The following ZDHHC13 variants were observed in gnomAD, a reference collection of about 807,000 sequenced individuals.
ZDHHC13 encodes zDHHC palmitoyltransferase 13, also known as palmitoyltransferase ZDHHC13.
A neutral mutation model predicts 86.0 loss-of-function variants in ZDHHC13; 85 were observed. The ratio of observed to expected loss-of-function variants is 0.99; its 90% CI spans 0.83 to 1.18. The LOEUF (loss-of-function observed/expected upper bound fraction) is 1.18, where lower values mean the gene tolerates loss of function less well. ZDHHC13 is among the 50% of genes most tolerant of loss of function. The pLI, the probability that ZDHHC13 is intolerant of heterozygous loss-of-function variation, is 0.00. For missense variants in ZDHHC13, 711 were observed against 730.2 expected, an observed-to-expected ratio of 0.97 and a Z score of 0.30; for synonymous variants, 263 against 246.4, an observed-to-expected ratio of 1.07 and a Z score of -0.63.
intron 1 of ZDHHC13, among the ~76,000 whole-genome samples, chr11:19,126,744 G>T (rs1473843960): frequency 6.6e-6 from 1 of 151,640 alleles, no homozygotes; most frequent in African/African-American, 2.4e-5. Flanking sequence ...CCTGCATAGG[G>T]GTAATAGCCT....
intron 1 of ZDHHC13, among the ~76,000 whole-genome samples, chr11:19,123,155 T>C (rs906492397): frequency 6.6e-5 from 10 of 152,218 alleles, no homozygotes; most frequent in East Asian, 1.9e-4. Context: ...CAGTAATTAA[T>C]TGCCGACTAA....
chr11:19,175,802 C>CTTTTTTT lies in ZDHHC13; in HGVS notation c.1731-15_1731-9dup. The CTTTTTTT allele has an allele frequency of 8.0e-7, 1 of 1,244,348 alleles. No individual in the cohort carries two copies. Among genetic ancestry groups the CTTTTTTT allele is most frequent in the Non-Finnish European group, 1.1e-6 (1 of 895,058 alleles). 77.1% of individuals were successfully genotyped at this position (1,244,348 alleles called of 1,614,324 possible). A position where few individuals can be genotyped will look rare whatever the true frequency, so the allele number is the denominator to read the frequency against. On this transcript the variant is annotated intron_variant, in intron 16 of 16. Transcript: ENST00000446113. ...CAGGAAATATAGTAAGACATGTTCT[C>CTTTTTTT]TTTTTTTTTTTCTTGGCAGTCTTGG...
chr11:19,136,462 G>A (rs1485106944), intron 1 of ZDHHC13, among the ~76,000 whole-genome samples: 1 of 152,212 alleles, frequency 6.6e-6, no homozygotes, highest in East Asian at 1.9e-4. Context: ...GTACCTGAAA[G>A]TGACGGGGAG....
chr11:19,127,135 G>T (rs969471138), intron 1 of ZDHHC13, among the ~76,000 whole-genome samples: 1 of 152,064 alleles, frequency 6.6e-6, no homozygotes, highest in Non-Finnish European at 1.5e-5. Context: ...TTTGACGTTT[G>T]AATAATAGCA....
chr11:19,175,395 A>AAAAAAAAAAAT (rs1232624615), intron 16 of ZDHHC13, among the ~76,000 whole-genome samples: 1 of 105,666 alleles, frequency 9.5e-6, no homozygotes, highest in Non-Finnish European at 2.0e-5. Context: ...GTCTCAAAAA[A>AAAAAAAAAAAT]AAAAAAAAAA....
At chr11:19,131,817 A>G (rs1005726854) in intron 1 of ZDHHC13, among the ~76,000 whole-genome samples, 6 of 152,062 alleles carry the variant, frequency 3.9e-5, no homozygotes, top group African/African-American at 1.4e-4. Flanking sequence ...TATTTTTAGT[A>G]GAGACGGGGT....
intron 1 of ZDHHC13, among the ~76,000 whole-genome samples, chr11:19,141,877 A>G (rs1443852274): frequency 1.3e-5 from 2 of 152,142 alleles, no homozygotes; most frequent in African/African-American, 4.8e-5. Flanking sequence ...AGCTAGTGGG[A>G]CTATCTTGGC....
chr11:19,131,422 C>T (rs534851321), intron 1 of ZDHHC13, among the ~76,000 whole-genome samples: 31 of 152,230 alleles, frequency 2.0e-4, no homozygotes, highest in African/African-American at 7.5e-4. Flanking sequence ...TTTTCGCCAA[C>T]TTTGGAAGAT....
chr11:19,140,006 A>C (rs1474149400), intron 1 of ZDHHC13, among the ~76,000 whole-genome samples: 212 of 149,358 alleles, frequency 1.4e-3, no homozygotes, highest in African/African-American at 3.4e-3. Flanking sequence ...TAGGCATGGG[A>C]AAGGACTTCA....
intron 15 of ZDHHC13, among the ~76,000 whole-genome samples, chr11:19,171,562 C>T (rs1230783734): frequency 2.0e-5 from 3 of 152,184 alleles, no homozygotes; most frequent in Non-Finnish European, 4.4e-5. Flanking sequence ...ATTCCTCTCA[C>T]TCTCCTATCA....
rs2133348353 is a variant in ZDHHC13 at position 19,117,980 on chromosome 11, TGCTTATG to T, written c.27+707_27+713del. On this transcript the variant is annotated intron_variant, in intron 1 of 16. Transcript: ENST00000446113. This position sits in a 1 kb window ranked among gnomAD's most constrained non-coding sequence, Gnocchi z 4.2. Reference sequence around the variant, plus strand: ...AAGAAAACAAGATTTTTGTGCTTTTTGCTTATGGCCCTTTCCTAGTGCCTAGAGTACT... The same window carrying T: ...AAGAAAACAAGATTTTTGTGCTTTTTGCCCTTTCCTAGTGCCTAGAGTACT... The T allele has an allele frequency of 6.6e-6, 1 of 152,388 alleles. No homozygotes were observed. The highest frequency in any genetic ancestry group is 2.1e-4 in the South Asian group (1 of 4,828). 9.4% of individuals were successfully genotyped at this position (152,388 alleles called of 1,614,324 possible).
intron 14 of ZDHHC13, chr11:19,169,842 ATC>A (rs762279438): frequency 2.6e-5 from 26 of 985,500 alleles, no homozygotes; most frequent in Middle Eastern, 5.2e-4. Flanking sequence ...TCCCAGGTGT[ATC>A]TGTCTTGTGA....
At chr11:19,170,813 G>A (rs1391824598) in intron 15 of ZDHHC13, among the ~76,000 whole-genome samples, 1 of 152,096 alleles carries the variant, frequency 6.6e-6, no homozygotes, top group Non-Finnish European at 1.5e-5. Context: ...TAAATTATTA[G>A]AGTATGACCT....
At chr11:19,149,838 C>T (rs1424753655) in intron 5 of ZDHHC13, among the ~76,000 whole-genome samples, 1 of 152,160 alleles carries the variant, frequency 6.6e-6, no homozygotes, top group Non-Finnish European at 1.5e-5. Flanking sequence ...ATTATACTTG[C>T]CTGGAATATG....
At position 19,165,116 on chromosome 11, in the gene ZDHHC13, A is replaced by C. The variant is rs797010374; in HGVS notation, c.1361A>C (p.Gln454Pro). ...VCNCCVARYD[Q>P]HCLWTGRCIG... ...AACTGCTGTGTGGCTCGATATGATCAACACTGCCTGTGGACTGGACGGTGC... is the reference window on the plus strand; with the variant it reads ...AACTGCTGTGTGGCTCGATATGATCCACACTGCCTGTGGACTGGACGGTGC... Residue 454 changes from glutamine to proline, a missense_variant, in exon 13 of 17, where the codon CAA becomes CCA. Gln to Pro is a moderately conservative substitution (Grantham distance 76, BLOSUM62 -1). Coordinates refer to ENST00000446113, the MANE Select transcript of ZDHHC13 (RefSeq NM_019028.3). 6.2e-7 allele frequency: 1 copy of C among 1,612,812 alleles called. No individual in the cohort carries two copies. Among genetic ancestry groups the C allele is most frequent in the Admixed American group, 1.7e-5 (1 of 59,842 alleles).
intron 14 of ZDHHC13, chr11:19,169,894 A>G (rs1850172675): frequency 2.0e-6 from 2 of 985,630 alleles, no homozygotes; most frequent in Admixed American, 6.1e-5. Context: ...AGATTTAGTT[A>G]TGGTGTCAGT....
intron 1 of ZDHHC13, among the ~76,000 whole-genome samples, chr11:19,134,852 A>G (rs1341650489): frequency 6.6e-6 from 1 of 151,844 alleles, no homozygotes; most frequent in African/African-American, 2.4e-5. Flanking sequence ...AACTTAAAGC[A>G]TAATAAAAAA....
Position 19,159,025 on chromosome 11 carries a change from A to C in ZDHHC13, c.1093A>C (p.Ile365Leu). Residue 365 changes from isoleucine to leucine, a missense_variant, in exon 10 of 17, where the codon ATC becomes CTC. Physicochemically the swap from Ile to Leu is conservative, Grantham distance 5. Coordinates refer to ENST00000446113, the MANE Select transcript of ZDHHC13 (RefSeq NM_019028.3). ...SVFWIFMTWF[I>L]LFFPDLAGAP... Reference sequence around the variant, plus strand: ...TTTTTGGATATTTATGACTTGGTTCATCTTATTTTTTCCTGATATCCTTTA... The same window carrying C: ...TTTTTGGATATTTATGACTTGGTTCCTCTTATTTTTTCCTGATATCCTTTA... The C allele has an allele frequency of 6.5e-7, 1 of 1,547,766 alleles. No individual in the cohort carries two copies. The highest frequency in any genetic ancestry group is 8.7e-7 in the Non-Finnish European group (1 of 1,145,296).
chr11:19,134,217 C>T (rs2133379305), intron 1 of ZDHHC13, among the ~76,000 whole-genome samples: 1 of 152,042 alleles, frequency 6.6e-6, no homozygotes, highest in South Asian at 2.1e-4. Flanking sequence ...TAATTCAGGT[C>T]AGGTGTGGTG....
Sources: allele counts gnomAD v4.1 joint callset (sites outside exome capture counted in the v4.1 genomes callset), GRCh38; gene constraint gnomAD v4.1.1; non-coding constraint Gnocchi (gnomAD v3.1); transcripts MANE v1.5; gene names NCBI Gene and HGNC (gene_info 2026-07-23, HGNC 2026-07-21).